The following JAKMIP2 variants were observed in gnomAD, a reference collection of about 807,000 sequenced individuals.
The protein encoded by JAKMIP2 is janus kinase and microtubule-interacting protein 2.
In JAKMIP2, 25 loss-of-function variants were observed where a neutral mutation model predicts 115.0. The observed-to-expected ratio is 0.22, with a 90% CI of 0.16 to 0.30. The LOEUF (loss-of-function observed/expected upper bound fraction) is 0.30. Ranked by LOEUF, JAKMIP2 falls within the 10% of genes least tolerant of loss-of-function variation. JAKMIP2 has a pLI of 1.00. For missense variants in JAKMIP2, 642 were observed against 957.6 expected, an observed-to-expected ratio of 0.67 and a Z score of 4.35; for synonymous variants, 334 against 343.6, an observed-to-expected ratio of 0.97 and a Z score of 0.31.
chr5:147,665,491 G>C (rs1581379895), intron 2 of JAKMIP2, among the ~76,000 whole-genome samples: 1 of 152,166 alleles, frequency 6.6e-6, no homozygotes, highest in Non-Finnish European at 1.5e-5. Context: ...CTTACACTAG[G>C]CATCTGGAAC....
In JAKMIP2 at chr5:147,709,569, G is replaced by A. The variant is rs186386962; in HGVS notation, c.-148-37615C>T. 3.3e-3 allele frequency among the ~76,000 whole-genome samples: 495 copies of A among 152,220 alleles called. 1 individual carries two copies. Among genetic ancestry groups the A allele is most frequent in the African/African-American group, 0.011 (457 of 41,546 alleles). On this transcript the variant is annotated intron_variant, in intron 1 of 21. Coordinates refer to ENST00000616793, the MANE Select transcript of JAKMIP2 (RefSeq NM_001270941.2). ...AGAAAGAGGTAAAAATATCATTCTAGGCCGGGTGGGGTGGCTCACGCCTGT... is the reference window on the plus strand; with the variant it reads ...AGAAAGAGGTAAAAATATCATTCTAAGCCGGGTGGGGTGGCTCACGCCTGT...
At chr5:147,640,562 C>T (rs1415209765) in intron 9 of JAKMIP2, 142 bp downstream of exon 9, 8 of 752,890 alleles carry the variant, frequency 1.1e-5, no homozygotes, top group African/African-American at 9.0e-5. Flanking sequence ...TAATAAAGTG[C>T]AGCCTCAAAA....
intron 21 of JAKMIP2, among the ~76,000 whole-genome samples, chr5:147,601,165 A>C (rs1164940929): frequency 6.6e-6 from 1 of 152,236 alleles, no homozygotes; most frequent in Non-Finnish European, 1.5e-5. Context: ...AATACAGTTA[A>C]CTGGAACAGA....
At chr5:147,736,649 A>G (rs1408204564) in intron 1 of JAKMIP2, among the ~76,000 whole-genome samples, 1 of 151,972 alleles carries the variant, frequency 6.6e-6, no homozygotes, top group Non-Finnish European at 1.5e-5. Flanking sequence ...AAGGGGTATC[A>G]TAGAGTTTAT....
rs751628426 is a variant in JAKMIP2 at position 147,641,698 on chromosome 5, T to A, written c.1281+10A>T. The A allele has an allele frequency of 8.1e-6, 13 of 1,603,720 alleles. No homozygotes were observed. The highest frequency in any genetic ancestry group is 1.7e-6 in the Non-Finnish European group (2 of 1,171,070). On this transcript the variant is annotated intron_variant, in intron 8 of 21. Coordinates refer to ENST00000616793, the MANE Select transcript of JAKMIP2 (RefSeq NM_001270941.2). The stretch of plus-strand genomic sequence containing the variant: ...GTGGCAAATGCCTGATAACTTTGAT[T>A]TCTTATTACCTTAATTGGCTTGGAA...
intron 21 of JAKMIP2, among the ~76,000 whole-genome samples, chr5:147,601,036 C>A (rs146063679): frequency 6.6e-6 from 1 of 152,044 alleles, no homozygotes; most frequent in African/African-American, 2.4e-5. Flanking sequence ...TCAAGCTGAA[C>A]GCAACACTAA....
chr5:147,708,545 C>T (rs1752664857), intron 1 of JAKMIP2, among the ~76,000 whole-genome samples: 1 of 152,166 alleles, frequency 6.6e-6, no homozygotes, highest in Admixed American at 6.5e-5. Context: ...TAATAATCTA[C>T]AGAATAAATA....
intron 3 of JAKMIP2, among the ~76,000 whole-genome samples, chr5:147,655,934 C>A (rs1295325564): frequency 1.3e-5 from 2 of 152,112 alleles, no homozygotes; most frequent in African/African-American, 4.8e-5. Context: ...TTGATTTCTG[C>A]CTTAATTTTG....
intron 1 of JAKMIP2, among the ~76,000 whole-genome samples, chr5:147,725,115 T>G (rs2126953979): frequency 6.6e-6 from 1 of 152,248 alleles, no homozygotes; most frequent in East Asian, 1.9e-4. Flanking sequence ...ACATTAATTA[T>G]AATGTATTAG....
intron 1 of JAKMIP2, among the ~76,000 whole-genome samples, chr5:147,761,272 A>G (rs1754921294): frequency 6.6e-6 from 1 of 152,156 alleles, no homozygotes; most frequent in African/African-American, 2.4e-5. Flanking sequence ...TTCTTCATAT[A>G]GTTAATAAAT....
At chr5:147,609,109 TG>T (rs1162294522) in intron 20 of JAKMIP2, among the ~76,000 whole-genome samples, 1 of 152,090 alleles carries the variant, frequency 6.6e-6, no homozygotes, top group East Asian at 1.9e-4. Flanking sequence ...AGTACACTAA[TG>T]GGTTTTGACT....
chr5:147,639,872 C>T, intron 9 of JAKMIP2, 112 bp from the exon 10 acceptor site: 1 of 1,284,468 alleles, frequency 7.8e-7, no homozygotes, highest in East Asian at 2.4e-5. Flanking sequence ...GGTTGTTTAA[C>T]AGTCTATTTG....
At chr5:147,612,862 A>G (rs942244552) in intron 19 of JAKMIP2, among the ~76,000 whole-genome samples, 1 of 152,234 alleles carries the variant, frequency 6.6e-6, no homozygotes, top group Non-Finnish European at 1.5e-5. Flanking sequence ...AGGCTGACTC[A>G]TATAGATGTA....
intron 20 of JAKMIP2, among the ~76,000 whole-genome samples, chr5:147,603,180 T>C (rs914736966): frequency 2.6e-5 from 4 of 152,216 alleles, no homozygotes; most frequent in African/African-American, 9.6e-5. Flanking sequence ...TCAGACACCC[T>C]GACCTCTGGT....
At chr5:147,697,560 C>T (rs1580797836) in intron 1 of JAKMIP2, among the ~76,000 whole-genome samples, 1 of 152,294 alleles carries the variant, frequency 6.6e-6, no homozygotes, top group East Asian at 1.9e-4. Flanking sequence ...AAAATGGTTA[C>T]ATAGGTTGGG....
intron 21 of JAKMIP2, among the ~76,000 whole-genome samples, chr5:147,593,290 G>A (rs1755189035): frequency 6.6e-6 from 1 of 152,248 alleles, no homozygotes; most frequent in South Asian, 2.1e-4. Context: ...GAATAGGGCA[G>A]TGGGCATCCC....
intron 5 of JAKMIP2, among the ~76,000 whole-genome samples, chr5:147,648,150 T>C (rs1366600299): frequency 6.6e-6 from 1 of 152,170 alleles, no homozygotes; most frequent in African/African-American, 2.4e-5. Flanking sequence ...AACAGGATGC[T>C]AATTGGGAGG....
intron 1 of JAKMIP2, among the ~76,000 whole-genome samples, chr5:147,736,170 T>TG (rs1344436635): frequency 6.6e-6 from 1 of 152,032 alleles, no homozygotes; most frequent in Non-Finnish European, 1.5e-5. Flanking sequence ...ATTAAAAATT[T>TG]GGGGGCCGGG....
chr5:147,752,220 G>T (rs1347370097), intron 1 of JAKMIP2, among the ~76,000 whole-genome samples: 1 of 152,140 alleles, frequency 6.6e-6, no homozygotes, highest in African/African-American at 2.4e-5. Flanking sequence ...GCCCTGTCAA[G>T]GGAATTACCT....
Sources: gnomAD v4.1 joint callset for allele counts (sites outside exome capture counted in the v4.1 genomes callset) on GRCh38, gnomAD v4.1.1 for gene constraint, MANE v1.5 for transcripts, NCBI Gene and HGNC (gene_info 2026-07-23, HGNC 2026-07-21) for gene names.